The following DNAH9 variants were observed in gnomAD, a reference collection of about 807,000 sequenced individuals.
DNAH9 encodes DNAH9 variant protein.
DNAH9 carries 345 observed loss-of-function variants against 471.6 expected under a neutral mutation model. The observed-to-expected ratio is 0.73, with a 90% confidence interval of 0.67 to 0.80. The LOEUF is 0.80. Ranked by LOEUF, DNAH9 falls within the 30% of genes least tolerant of loss-of-function variation. DNAH9 has a pLI of 0.00. For missense variants in DNAH9, 5,407 were observed against 5,609.2 expected (o/e 0.96, Z 1.15); for synonymous variants, 2,093 against 2,123.6 (o/e 0.99, Z 0.40).
chr17:11,941,311 C>T (rs556489519), intron 66 of DNAH9, among the ~76,000 whole-genome samples: 15 of 152,168 alleles, frequency 9.9e-5, no homozygotes, highest in Non-Finnish European at 1.9e-4. Flanking sequence ...AAATGGCTGG[C>T]GCTCGCTCAC....
chr17:11,706,857 A>G (rs2074710827), intron 26 of DNAH9, among the ~76,000 whole-genome samples: 1 of 152,236 alleles, frequency 6.6e-6, no homozygotes, highest in Non-Finnish European at 1.5e-5. Flanking sequence ...AGTCACAGAC[A>G]TGGGAAAACT....
rs749159702 is a variant in DNAH9, at chr17:11,629,498, C to T, written c.1432C>T (p.Gln478Ter). 1.9e-6 allele frequency: 3 copies of T among 1,613,974 alleles called. No homozygotes were observed. In the East Asian group the frequency reaches 6.7e-5, roughly 36 times the overall value. The change falls in exon 7 of 69, where the codon CAG (glutamine) becomes TAG (stop). Residue 478 changes from glutamine to a stop codon, truncating the protein, a stop_gained. Transcript: ENST00000262442. LOFTEE classifies it high-confidence loss of function. ...SGVRGNALSQQVQQMHEEFQE... is the reference protein window; with the variant it reads ...SGVRGNALSQ ...CGTCAGAGGGAATGCTCTGAGTCAGCAGGTCCAGCAAATGCATGAAGAATT... is the reference window on the plus strand; with the variant it reads ...CGTCAGAGGGAATGCTCTGAGTCAGTAGGTCCAGCAAATGCATGAAGAATT...
chr17:11,889,287 A>T (rs910192169), intron 57 of DNAH9, among the ~76,000 whole-genome samples: 2 of 152,246 alleles, frequency 1.3e-5, no homozygotes, highest in Non-Finnish European at 2.9e-5. Context: ...ATTGGTCTCA[A>T]ATCGGAAGCC....
chr17:11,610,285 C>T lies in DNAH9; in HGVS notation c.615-111C>T, dbSNP rs1597387127. On this transcript the variant is annotated intron_variant, in intron 2 of 68. Transcript: ENST00000262442. ...AATGCATGGGCTAGATGAAATTTCT[C>T]ACCTATTTTTTTAAATTTGGGATTC... is the stretch of plus-strand genomic sequence containing the variant. The T allele has an allele frequency of 1.4e-5, 12 of 829,628 alleles. No individual in the cohort carries two copies. The East Asian group carries it at 3.3e-4, about 23-fold the overall frequency. The allele number at this position is 829,628 out of a possible 1,614,324, so 51.4% of individuals were successfully genotyped here. A position where few individuals can be genotyped will look rare whatever the true frequency, so the allele number is the denominator to read the frequency against.
intron 14 of DNAH9, among the ~76,000 whole-genome samples, chr17:11,662,904 C>T (rs948523226): frequency 1.3e-5 from 2 of 151,094 alleles, no homozygotes; most frequent in Admixed American, 6.6e-5. Context: ...TACAGGCGCC[C>T]GCCACTATGC....
intron 19 of DNAH9, among the ~76,000 whole-genome samples, chr17:11,686,691 G>A (rs572284023): frequency 6.6e-6 from 1 of 152,290 alleles, no homozygotes; most frequent in South Asian, 2.1e-4. Flanking sequence ...GAATAAGTTT[G>A]ATAAACATTC....
Position 11,651,254 on chromosome 17 carries a change from G to T in DNAH9, c.2283G>T (p.Val761=). The T allele has an allele frequency of 6.2e-7, 1 of 1,613,948 alleles. No individual in the cohort carries two copies. Among genetic ancestry groups the T allele is most frequent in the Non-Finnish European group, 8.5e-7 (1 of 1,179,948 alleles). The change falls in exon 13 of 69, where the codon GTG becomes GTT. Residue 761 remains valine, a synonymous_variant. Transcript: ENST00000262442. ...TGCTGGAGGTGGAATTTCCATTAGT[G>T]GAGGAAGAGCTGCAAAATATTGATC... ...KTLLEVEFPL[V]EEELQNIDLR... is the part of the protein sequence containing the mutation.
At chr17:11,850,150 G>C (rs1971366081) in intron 49 of DNAH9, among the ~76,000 whole-genome samples, 1 of 152,210 alleles carries the variant, frequency 6.6e-6, no homozygotes, top group Non-Finnish European at 1.5e-5. Context: ...AAGCAATGAG[G>C]CTGGGCATCT....
chr17:11,716,026 G>A (rs906291758), intron 26 of DNAH9, among the ~76,000 whole-genome samples: 2 of 151,832 alleles, frequency 1.3e-5, no homozygotes, highest in Middle Eastern at 3.4e-3. Flanking sequence ...TGGCCCAGGC[G>A]TCATGGCAGC....
intron 56 of DNAH9, among the ~76,000 whole-genome samples, chr17:11,884,161 G>A (rs868132075): frequency 1.3e-5 from 2 of 152,052 alleles, no homozygotes; most frequent in African/African-American, 2.4e-5. Context: ...AAAACCCACC[G>A]GACCGCAGAA....
In DNAH9 at chr17:11,962,454, G is replaced by A. The variant is rs1976296994; in HGVS notation, c.13233+198G>A. Among the ~76,000 whole-genome samples, 4 of 152,208 alleles carry A rather than the reference G, an allele frequency of 2.6e-5. No individual in the cohort carries two copies. Among genetic ancestry groups the A allele is most frequent in the Non-Finnish European group, 5.9e-5 (4 of 68,038 alleles). On this transcript the variant is annotated intron_variant, in intron 68 of 68. Coordinates refer to ENST00000262442, the MANE Select transcript of DNAH9 (RefSeq NM_001372.4). The surrounding 1 kb of genome is among the most constrained non-coding windows in gnomAD (Gnocchi z 4.1). The stretch of plus-strand genomic sequence containing the variant: ...GTAAGTTTTGCAGAGGCAGTAGAGT[G>A]GAGAGGTTAATAGCAAGGGCTTTGG...
chr17:11,763,212 T>C (rs903747664), intron 35 of DNAH9, among the ~76,000 whole-genome samples: 1 of 152,060 alleles, frequency 6.6e-6, no homozygotes, highest in South Asian at 2.1e-4. Flanking sequence ...GGAAAGGAGA[T>C]GAGAAAGTCC....
chr17:11,784,481 C>T lies in DNAH9; in HGVS notation c.8003C>T (p.Pro2668Leu). Residue 2668 changes from proline (P) to leucine (L), a missense_variant, in exon 41 of 69, where the codon CCC (proline) becomes CTC (leucine). This residue lies in a region of DNAH9 where 4,636 missense variants were observed against 4,900.3 expected (regional missense o/e 0.95). Transcript: ENST00000262442. ...FHQKIATTFL[P>L]TGIKFHYIFN... ...CAGAAAATTGCTACCACCTTCCTAC[C>T]CACAGGAATCAAATTCCACTACATC... 1 of 1,614,190 alleles carries T rather than the reference C, an allele frequency of 6.2e-7. No individual in the cohort carries two copies. The highest frequency in any genetic ancestry group is 8.5e-7 in the Non-Finnish European group (1 of 1,180,040).
chr17:11,697,658 TC>T (rs1460288403), intron 22 of DNAH9, among the ~76,000 whole-genome samples: 1 of 152,158 alleles, frequency 6.6e-6, no homozygotes, highest in Non-Finnish European at 1.5e-5. Context: ...TTATCATACT[TC>T]CGTAAGCTGA....
In DNAH9 at chr17:11,868,069, A is replaced by G. The variant is rs1972122316; in HGVS notation, c.9934-1065A>G. Among the ~76,000 whole-genome samples the G allele has an allele frequency of 3.9e-5, 6 of 152,304 alleles. No individual in the cohort carries two copies. The South Asian group carries it at 1.2e-3, about 32-fold the overall frequency. On this transcript the variant is annotated intron_variant, in intron 50 of 68. Transcript: ENST00000262442. ...TGCTCCAGCGGTCTCCACTTCTTCAACAGTGTGGTCCTCCATAAATCTGTT... is the reference window on the plus strand; with the variant it reads ...TGCTCCAGCGGTCTCCACTTCTTCAGCAGTGTGGTCCTCCATAAATCTGTT...
At position 11,822,874 on chromosome 17, in the gene DNAH9, A is replaced by T. The variant is rs756003036; in HGVS notation, c.9086A>T (p.Tyr3029Phe). 2 of 1,614,264 alleles carry T rather than the reference A, an allele frequency of 1.2e-6. No homozygotes were observed. Among genetic ancestry groups the T allele is most frequent in the South Asian group, 2.2e-5 (2 of 91,088 alleles). Residue 3029 changes from tyrosine (Y) to phenylalanine (F), a missense_variant, in exon 48 of 69, where the codon TAT (tyrosine) becomes TTT (phenylalanine). Around this residue, in one of 3 missense-constraint regions of DNAH9, gnomAD observed 4,636 missense variants for 4,900.3 expected, o/e 0.95. Coordinates refer to ENST00000262442, the MANE Select transcript of DNAH9 (RefSeq NM_001372.4). ...HTSVNQTSQS[Y>F]LSNEQRYNYT... ...AGTGTCAACCAAACATCCCAGTCTTATCTGAGCAATGAACAGCGCTACAAC... is the reference window on the plus strand; with the variant it reads ...AGTGTCAACCAAACATCCCAGTCTTTTCTGAGCAATGAACAGCGCTACAAC...
intron 67 of DNAH9, among the ~76,000 whole-genome samples, chr17:11,954,529 A>T (rs1567574161): frequency 6.6e-6 from 1 of 151,516 alleles, no homozygotes; most frequent in African/African-American, 2.4e-5. Context: ...GTGGAGAACT[A>T]TCATTAAAGT....
rs535175718 is a variant in DNAH9, at chr17:11,883,031, G to A, written c.10807-555G>A. Reference sequence around the variant, plus strand: ...CAGCTGCCTGAAGTTAGTGCTTTAGGATATGGAGCATAAAGAGAGGAAGAG... The same window carrying A: ...CAGCTGCCTGAAGTTAGTGCTTTAGAATATGGAGCATAAAGAGAGGAAGAG... On this transcript the variant is annotated intron_variant, in intron 55 of 68. Coordinates refer to ENST00000262442, the MANE Select transcript of DNAH9 (RefSeq NM_001372.4). 1.3e-5 allele frequency: 13 copies of A among 986,190 alleles called. No individual in the cohort carries two copies. The South Asian group carries it at 5.2e-4, about 39-fold the overall frequency. 61.1% of individuals were successfully genotyped at this position (986,190 alleles called of 1,614,324 possible).
intron 48 of DNAH9, among the ~76,000 whole-genome samples, chr17:11,829,726 G>GC (rs1473158888): frequency 1.3e-5 from 2 of 152,188 alleles, no homozygotes; most frequent in Non-Finnish European, 2.9e-5. Flanking sequence ...TCCCGCCTGG[G>GC]CCTTCCAAAG....
Sources: allele counts gnomAD v4.1 joint callset (sites outside exome capture counted in the v4.1 genomes callset), GRCh38; gene constraint gnomAD v4.1.1; regional missense constraint gnomAD v4.1.1; non-coding constraint Gnocchi (gnomAD v3.1); transcripts MANE v1.5; gene names NCBI Gene and HGNC (gene_info 2026-07-23, HGNC 2026-07-21).